Variants in SLC4A8 observed in about 807,000 individuals in gnomAD.
The protein encoded by SLC4A8 is electroneutral sodium bicarbonate exchanger 1.
SLC4A8 carries 40 observed loss-of-function variants against 125.0 expected under a neutral mutation model. The ratio of observed to expected loss-of-function variants is 0.32; its 90% CI spans 0.25 to 0.42. The LOEUF is 0.42. Ranked by LOEUF, SLC4A8 falls within the 10% of genes least tolerant of loss-of-function variation. The probability of loss-of-function intolerance (pLI) is 1.00; values close to 1 mark genes in which losing one functional copy is unlikely to be tolerated. For synonymous variants in SLC4A8, 456 were observed against 476.0 expected, an observed-to-expected ratio of 0.96 and a Z score of 0.55; for missense variants, 863 against 1,355.1, an observed-to-expected ratio of 0.64 and a Z score of 5.70.
intron 1 of SLC4A8, among the ~76,000 whole-genome samples, chr12:51,410,866 C>CTTTTA (rs1006426099): frequency 2.9e-5 from 4 of 135,672 alleles, no homozygotes; most frequent in African/African-American, 8.6e-5. Flanking sequence ...CTTTTCTTTT[C>CTTTTA]TTTTCTTTTC....
exon 1 of SLC4A8, chr12:51,391,470 A>C (rs1948102345): frequency 1.3e-5 from 2 of 156,680 alleles, no homozygotes; most frequent in Non-Finnish European, 2.8e-5. Flanking sequence ...GGAAGAGGCG[A>C]AGGCTGGCGG....
At chr12:51,496,076 G>A (rs922734969) in intron 21 of SLC4A8, among the ~76,000 whole-genome samples, 6 of 152,108 alleles carry the variant, frequency 3.9e-5, no homozygotes, top group African/African-American at 1.4e-4. Flanking sequence ...CTCCTGGTGG[G>A]TTTCTCAATT....
At chr12:51,432,284 G>A (rs970332538) in intron 1 of SLC4A8, among the ~76,000 whole-genome samples, 14 of 151,640 alleles carry the variant, frequency 9.2e-5, no homozygotes, top group African/African-American at 2.7e-4. Context: ...GGTGGCGGGC[G>A]CCTGTAGTCC....
chr12:51,443,097 C>T (rs529148772), intron 2 of SLC4A8, among the ~76,000 whole-genome samples: 1 of 152,130 alleles, frequency 6.6e-6, no homozygotes, highest in East Asian at 1.9e-4. Context: ...ACAACAACCT[C>T]TAGTCCAAGA....
chr12:51,402,159 TATATGGTTACA>T (rs1948406108), intron 1 of SLC4A8, among the ~76,000 whole-genome samples: 1 of 152,150 alleles, frequency 6.6e-6, no homozygotes, highest in South Asian at 2.1e-4. Flanking sequence ...TTGACAGGCA[TATATGGTTACA>T]ACAGGGGGTG....
intron 3 of SLC4A8, among the ~76,000 whole-genome samples, chr12:51,451,720 G>A (rs556301625): frequency 6.6e-6 from 1 of 151,080 alleles, no homozygotes; most frequent in African/African-American, 2.4e-5. Context: ...AACAATATGG[G>A]AATGAAAATC....
chr12:51,480,983 G>A (rs1295806389), intron 16 of SLC4A8, among the ~76,000 whole-genome samples: 1 of 152,200 alleles, frequency 6.6e-6, no homozygotes, highest in Non-Finnish European at 1.5e-5. Context: ...ACTTTTAAGT[G>A]TGATAGGGCC....
intron 19 of SLC4A8, among the ~76,000 whole-genome samples, chr12:51,493,224 C>G (rs960993770): frequency 6.6e-6 from 1 of 152,104 alleles, no homozygotes; most frequent in African/African-American, 2.4e-5. Context: ...CAGACCATTA[C>G]CTCTTTGATA....
At chr12:51,499,823 G>A (rs1348177777) in intron 22 of SLC4A8, among the ~76,000 whole-genome samples, 1 of 152,102 alleles carries the variant, frequency 6.6e-6, no homozygotes, top group Non-Finnish European at 1.5e-5. Flanking sequence ...TTCCAGGGCA[G>A]GGGTACAGAA....
At chr12:51,408,791 T>C (rs1386017571) in intron 1 of SLC4A8, among the ~76,000 whole-genome samples, 1 of 152,168 alleles carries the variant, frequency 6.6e-6, no homozygotes, top group African/African-American at 2.4e-5. Context: ...GCTGGGCCTC[T>C]TCCCTGCTGT....
chr12:51,480,056 G>A lies in SLC4A8; in HGVS notation c.2172+4850G>A, dbSNP rs552369964. On this transcript the variant is annotated intron_variant, in intron 16 of 24. Coordinates refer to ENST00000453097, the MANE Select transcript of SLC4A8 (RefSeq NM_001039960.3). ...GTGATCTTGGCTCACTGCAACCTCC[G>A]CCTCCTCCCGAGTAGCTGGGACTAC... The A allele has an allele frequency of 1.9e-4, 69 of 354,662 alleles. 1 individual carries two copies. The highest frequency in any genetic ancestry group is 3.0e-4 in the Non-Finnish European group (57 of 186,958). 22.0% of individuals were successfully genotyped at this position (354,662 alleles called of 1,614,324 possible). A position where few individuals can be genotyped will look rare whatever the true frequency, so the allele number is the denominator to read the frequency against.
chr12:51,391,493 G>T, intron 1 of SLC4A8: 1 of 155,874 alleles, frequency 6.4e-6, no homozygotes, highest in Non-Finnish European at 1.4e-5. Context: ...GAGGAGGTGA[G>T]AGCGAGGACT....
At chr12:51,435,120 G>A (rs573614162) in intron 1 of SLC4A8, among the ~76,000 whole-genome samples, 1 of 152,152 alleles carries the variant, frequency 6.6e-6, no homozygotes, top group East Asian at 1.9e-4. Flanking sequence ...GGATTTAGAG[G>A]CTTGATCAGA....
rs1938327087 is a variant in SLC4A8, at chr12:51,510,428, A to C, written c.*2990A>C. 6.6e-6 allele frequency: 1 copy of C among 151,470 alleles called. No homozygotes were observed. Among genetic ancestry groups the C allele is most frequent in the African/African-American group, 2.4e-5 (1 of 40,978 alleles). The allele number at this position is 151,470 out of a possible 1,614,324, so 9.4% of individuals were successfully genotyped here. The stretch of plus-strand genomic sequence containing the variant: ...GACAGAGCAAGACTCCATTTCAAAA[A>C]AAAAAAAAAAAAAAAACTTCCCAAT... On this transcript the variant is annotated 3_prime_UTR_variant, in exon 25 of 25. Transcript: ENST00000453097.
chr12:51,451,793 AAAAAG>A (rs1276378806), intron 3 of SLC4A8, among the ~76,000 whole-genome samples: 5 of 152,118 alleles, frequency 3.3e-5, no homozygotes, highest in South Asian at 4.1e-4. Flanking sequence ...TGTAAAAAAA[AAAAAG>A]AAAAGAAAAC....
chr12:51,404,950 T>C (rs555659783), intron 1 of SLC4A8, among the ~76,000 whole-genome samples: 1 of 152,334 alleles, frequency 6.6e-6, no homozygotes, highest in African/African-American at 2.4e-5. Flanking sequence ...TATGATGCAC[T>C]GGATTAAGTT....
intron 1 of SLC4A8, among the ~76,000 whole-genome samples, chr12:51,397,274 G>A (rs1217793184): frequency 6.6e-6 from 1 of 152,178 alleles, no homozygotes; most frequent in Non-Finnish European, 1.5e-5. Context: ...ACTTGGTCAA[G>A]GGAAACTGTC....
chr12:51,400,111 C>T (rs1403398901), intron 1 of SLC4A8, among the ~76,000 whole-genome samples: 1 of 152,164 alleles, frequency 6.6e-6, no homozygotes, highest in Non-Finnish European at 1.5e-5. Flanking sequence ...GCCCCTTGGC[C>T]CTCTCCTGGG....
intron 13 of SLC4A8, 97 bp from the exon 14 acceptor site, chr12:51,471,190 G>T (rs1950683710): frequency 8.6e-7 from 1 of 1,168,698 alleles, no homozygotes; most frequent in Admixed American, 2.0e-5. Context: ...CTGGGTTCCA[G>T]TGCTTGTTTA....
Sources: allele counts gnomAD v4.1 joint callset (sites outside exome capture counted in the v4.1 genomes callset), GRCh38; gene constraint gnomAD v4.1.1; transcripts MANE v1.5; gene names NCBI Gene and HGNC (gene_info 2026-07-23, HGNC 2026-07-21).